RIMS1: variants seen among roughly 807,000 people sequenced by gnomAD.
RIMS1 encodes regulating synaptic membrane exocytosis 1, also known as regulating synaptic membrane exocytosis protein 1.
In RIMS1, 83 loss-of-function variants were observed where a neutral mutation model predicts 214.1. The observed-to-expected ratio is 0.39, with a 90% CI of 0.32 to 0.47. The LOEUF is 0.47. Ranked by LOEUF, RIMS1 falls within the 20% of genes least tolerant of loss-of-function variation. The probability of loss-of-function intolerance (pLI) is 0.99; values close to 1 mark genes in which losing one functional copy is unlikely to be tolerated. For synonymous variants in RIMS1, 793 were observed against 786.8 expected (o/e 1.01, Z -0.13); for missense variants, 2,050 against 2,161.8 (o/e 0.95, Z 1.03).
intron 6 of RIMS1, among the ~76,000 whole-genome samples, chr6:72,220,782 G>A (rs2058120830): frequency 6.6e-6 from 1 of 152,054 alleles, no homozygotes; most frequent in Non-Finnish European, 1.5e-5. Flanking sequence ...TGTTTAGAAT[G>A]GCTTGACAGA....
chr6:71,989,931 T>C (rs976007535), intron 2 of RIMS1, among the ~76,000 whole-genome samples: 14 of 152,138 alleles, frequency 9.2e-5, no homozygotes, highest in Admixed American at 3.3e-4. Flanking sequence ...TGGCTTCTGA[T>C]CTCAGAGCAT....
chr6:72,096,760 A>G (rs375562812), intron 2 of RIMS1, among the ~76,000 whole-genome samples, 189 bp from the exon 3 acceptor site: 2 of 152,192 alleles, frequency 1.3e-5, no homozygotes, highest in Non-Finnish European at 2.9e-5. Context: ...CAAAACAGGG[A>G]TTATGGAATC....
intron 6 of RIMS1, among the ~76,000 whole-genome samples, chr6:72,194,063 A>C (rs2050483263): frequency 6.6e-6 from 1 of 152,118 alleles, no homozygotes; most frequent in Non-Finnish European, 1.5e-5. Context: ...CTGCAAGGAG[A>C]ACTACAAAAC....
rs1244270606 is a variant in RIMS1, at chr6:72,260,721, C to T, written c.3070C>T (p.Pro1024Ser). 1.2e-6 allele frequency: 2 copies of T among 1,612,434 alleles called. No individual in the cohort carries two copies. Among genetic ancestry groups the T allele is most frequent in the Admixed American group, 3.3e-5 (2 of 59,838 alleles). Reference sequence around the variant, plus strand: ...TCTGTGCAGTGAGCTTCTTATGCTGCCCAGAGCAAAACGAGGACGAAGTGC... The same window carrying T: ...TCTGTGCAGTGAGCTTCTTATGCTGTCCAGAGCAAAACGAGGACGAAGTGC... ...SEQDSELLMLPRAKRGRSAEC... is the reference protein window; with the variant it reads ...SEQDSELLMLSRAKRGRSAEC... Residue 1024 changes from proline (P) to serine (S), a missense_variant, in exon 19 of 34, where the codon CCC becomes TCC. Transcript: ENST00000521978.
chr6:72,325,728 G>A (rs1400087116), intron 28 of RIMS1, among the ~76,000 whole-genome samples: 1 of 151,762 alleles, frequency 6.6e-6, no homozygotes, highest in Non-Finnish European at 1.5e-5. Context: ...TATGTGTGTG[G>A]GAATGAGATT....
intron 15 of RIMS1, 132 bp downstream of exon 15, chr6:72,251,500 G>A: frequency 1.3e-6 from 1 of 747,852 alleles, no homozygotes; most frequent in Non-Finnish European, 2.0e-6. Context: ...TCATCTTTAT[G>A]AAGCAACTTG....
intron 4 of RIMS1, among the ~76,000 whole-genome samples, chr6:72,107,405 A>G (rs867078795): frequency 9.9e-5 from 15 of 152,126 alleles, no homozygotes; most frequent in African/African-American, 3.4e-4. Context: ...TACTAAAAAT[A>G]CAAAAATTAA....
rs116181384 is a variant in RIMS1 at position 72,309,941 on chromosome 6, A to G, written c.3963+2571A>G. Among the ~76,000 whole-genome samples the G allele has an allele frequency of 5.1e-3, 769 of 152,176 alleles. 4 individuals carry two copies. Among genetic ancestry groups the G allele is most frequent in the African/African-American group, 0.018 (734 of 41,558 alleles). On this transcript the variant is annotated intron_variant, in intron 27 of 33. Coordinates refer to ENST00000521978, the MANE Select transcript of RIMS1 (RefSeq NM_014989.7). ...ATTTTTGTTAATTCAAGCCTTTTGC[A>G]TATACTTGAGAAATTATCTTTTTCA...
rs571507923 is a variant in RIMS1 at position 72,354,564 on chromosome 6, T to A, written c.4366+20729T>A. ...AAAATTTGGAATTGCATACATTTTG[T>A]TTCTTAGATGCTCTGTATGCTATGC... On this transcript the variant is annotated intron_variant, in intron 29 of 33. Coordinates refer to ENST00000521978, the MANE Select transcript of RIMS1 (RefSeq NM_014989.7). 4.3e-4 allele frequency among the ~76,000 whole-genome samples: 66 copies of A among 152,380 alleles called. 1 individual carries two copies. In the South Asian group the frequency reaches 5.8e-3, roughly 13 times the overall value.
chr6:72,332,712 A>G (rs969454045), intron 28 of RIMS1, among the ~76,000 whole-genome samples: 3 of 151,242 alleles, frequency 2.0e-5, no homozygotes, highest in African/African-American at 7.3e-5. Context: ...CCTAACATCC[A>G]TGCTCCCTGC....
chr6:72,371,144 GTGTA>G (rs1026420350), intron 29 of RIMS1, among the ~76,000 whole-genome samples: 4 of 152,150 alleles, frequency 2.6e-5, no homozygotes, highest in African/African-American at 4.8e-5. Context: ...GTGTCTGTAT[GTGTA>G]TGTATGTGTG....
intron 2 of RIMS1, among the ~76,000 whole-genome samples, chr6:71,995,743 T>TA (rs2151665392): frequency 6.6e-6 from 1 of 152,242 alleles, no homozygotes; most frequent in African/African-American, 2.4e-5. Flanking sequence ...CTTGGTGCCT[T>TA]ACTGCACGCA....
intron 28 of RIMS1, among the ~76,000 whole-genome samples, chr6:72,319,774 T>C (rs1267783046): frequency 6.6e-6 from 1 of 152,056 alleles, no homozygotes; most frequent in African/African-American, 2.4e-5. Flanking sequence ...AAACACATGA[T>C]TCCTAGATCT....
chr6:72,014,593 G>A (rs1480916210), intron 2 of RIMS1, among the ~76,000 whole-genome samples: 1 of 152,102 alleles, frequency 6.6e-6, no homozygotes, highest in Non-Finnish European at 1.5e-5. Flanking sequence ...TTTTTGTGTA[G>A]GCATTTGTTT....
chr6:72,083,182 G>A (rs113137580), intron 2 of RIMS1, among the ~76,000 whole-genome samples: 62 of 152,170 alleles, frequency 4.1e-4, no homozygotes, highest in African/African-American at 1.4e-3. Context: ...AGTCTTTCAC[G>A]TTAAAATTTT....
chr6:72,215,615 T>C (rs566034380), intron 6 of RIMS1, among the ~76,000 whole-genome samples: 17 of 152,354 alleles, frequency 1.1e-4, no homozygotes, highest in Admixed American at 1.1e-3. Flanking sequence ...ATAGACAGTA[T>C]AATATTTGGC....
At chr6:72,349,165 G>A (rs1202114569) in intron 29 of RIMS1, among the ~76,000 whole-genome samples, 1 of 152,010 alleles carries the variant, frequency 6.6e-6, no homozygotes, top group African/African-American at 2.4e-5. Flanking sequence ...ACCGAAAAAT[G>A]TGGTACACCC....
At chr6:72,239,800 C>A (rs2065932059) in intron 9 of RIMS1, among the ~76,000 whole-genome samples, 1 of 152,176 alleles carries the variant, frequency 6.6e-6, no homozygotes, top group African/African-American at 2.4e-5. Context: ...CCTCTACTAA[C>A]ACTTTCAGCT....
At chr6:71,943,782 C>T (rs539706121) in intron 1 of RIMS1, among the ~76,000 whole-genome samples, 25 of 152,242 alleles carry the variant, frequency 1.6e-4, no homozygotes, top group South Asian at 1.0e-3. Flanking sequence ...ATCAGCTTTC[C>T]GATGGCGTAT....
Sources: allele counts gnomAD v4.1 joint callset (sites outside exome capture counted in the v4.1 genomes callset), GRCh38; gene constraint gnomAD v4.1.1; transcripts MANE v1.5; gene names NCBI Gene and HGNC (gene_info 2026-07-23, HGNC 2026-07-21).